Variants in AP2B1 observed in about 807,000 individuals in gnomAD.
AP2B1 encodes the protein AP-2 complex subunit beta.
In AP2B1, 23 loss-of-function variants were observed where a neutral mutation model predicts 102.0. The observed-to-expected ratio is 0.23, with a 90% confidence interval of 0.16 to 0.32. AP2B1 has a LOEUF of 0.32. Ranked by LOEUF, AP2B1 falls within the 10% of genes least tolerant of loss-of-function variation. AP2B1 has a pLI of 1.00. For synonymous variants in AP2B1, 381 were observed against 421.2 expected (o/e 0.90, Z 1.17); for missense variants, 541 against 1,157.4 (o/e 0.47, Z 7.73).
intron 13 of AP2B1, chr17:35,651,051 T>C (rs1190414451): frequency 2.8e-6 from 1 of 361,902 alleles, no homozygotes; most frequent in Admixed American, 4.3e-5. Context: ...ATTATGGCTT[T>C]AGAAAATTGT....
rs1382200106 is a variant in AP2B1 at position 35,723,744 on chromosome 17, G to T, written c.*45G>T. On this transcript the variant is annotated 3_prime_UTR_variant, in exon 22 of 22. Coordinates refer to ENST00000610402, the MANE Select transcript of AP2B1 (RefSeq NM_001030006.2). ...TTCAACCATGCTGTGATCGGTGCAA[G>T]TCAAGAACTCTTAACTGGAAGAAAT... 1 of 1,369,768 alleles carries T rather than the reference G, an allele frequency of 7.3e-7. No individual in the cohort carries two copies. The highest frequency in any genetic ancestry group is 1.0e-6 in the Non-Finnish European group (1 of 959,288). The allele number at this position is 1,369,768 out of a possible 1,614,324, so 84.9% of individuals were successfully genotyped here.
chr17:35,712,460 C>T (rs1479803706), intron 20 of AP2B1, among the ~76,000 whole-genome samples: 1 of 152,056 alleles, frequency 6.6e-6, no homozygotes, highest in Non-Finnish European at 1.5e-5. Context: ...AACCCTGTCT[C>T]TACTAAAAAT....
intron 2 of AP2B1, chr17:35,596,883 C>T: frequency 1.4e-6 from 1 of 697,296 alleles, no homozygotes; most frequent in Non-Finnish European, 2.7e-6. Context: ...TATGCTGCTT[C>T]GTGATCCATG....
intron 18 of AP2B1, among the ~76,000 whole-genome samples, chr17:35,695,083 C>T (rs1168903136): frequency 6.6e-6 from 1 of 152,118 alleles, no homozygotes. Context: ...AAAGACTGGT[C>T]CCTTTCGGCT....
chr17:35,680,198 G>T (rs1378364132), intron 17 of AP2B1, among the ~76,000 whole-genome samples: 2 of 151,936 alleles, frequency 1.3e-5, no homozygotes, highest in South Asian at 2.1e-4. Flanking sequence ...GTGAGCCACC[G>T]CACCAGCCTG....
At chr17:35,720,052 A>G (rs2085310632) in intron 21 of AP2B1, among the ~76,000 whole-genome samples, 1 of 152,212 alleles carries the variant, frequency 6.6e-6, no homozygotes, top group Admixed American at 6.5e-5. Context: ...TTATAGAAGC[A>G]ATGTGTGTCA....
At chr17:35,680,706 T>TG (rs56034210) in intron 17 of AP2B1, among the ~76,000 whole-genome samples, 17,039 of 147,320 alleles carry the variant, frequency 0.12, 1,142 homozygotes, top group Middle Eastern at 0.15. Context: ...TTTTGTTTTT[T>TG]TTTTTTTTTT....
At chr17:35,721,945 C>CA (rs1469175518) in intron 21 of AP2B1, among the ~76,000 whole-genome samples, 1 of 152,102 alleles carries the variant, frequency 6.6e-6, no homozygotes, top group Non-Finnish European at 1.5e-5. Context: ...GAAGGAGGTA[C>CA]AAGAATTGCT....
intron 7 of AP2B1, 133 bp from the exon 8 acceptor site, chr17:35,627,252 T>TTTC (rs1282303591): frequency 3.4e-5 from 14 of 410,070 alleles, no homozygotes; most frequent in Admixed American, 3.0e-4. Flanking sequence ...ATGCTTTTTT[T>TTTC]TTTTTTTTTT....
At position 35,677,624 on chromosome 17, in the gene AP2B1, T is replaced by A. The variant is rs78365893; in HGVS notation, c.2324+3303T>A. 8.5e-3 allele frequency among the ~76,000 whole-genome samples: 1,293 copies of A among 152,246 alleles called. 11 individuals are homozygous for A. Among genetic ancestry groups the A allele is most frequent in the African/African-American group, 0.026 (1,069 of 41,554 alleles). On this transcript the variant is annotated intron_variant, in intron 17 of 21. Coordinates refer to ENST00000610402, the MANE Select transcript of AP2B1 (RefSeq NM_001030006.2). ...TTTCCCTGTAAATTTTAGAATCAGC[T>A]TGTCAGTTTCTACAAAAAAAATGCT...
At chr17:35,680,697 TTTG>T (rs1567972215) in intron 17 of AP2B1, among the ~76,000 whole-genome samples, 6 of 36,586 alleles carry the variant, frequency 1.6e-4, no homozygotes, top group South Asian at 7.5e-4. Context: ...TTTTTTTTTT[TTTG>T]TTTTTTTTTT....
rs565482828 is a variant in AP2B1, at chr17:35,664,241, G to A, written c.1989+6450G>A. Among the ~76,000 whole-genome samples, 91 of 152,118 alleles carry A rather than the reference G, an allele frequency of 6.0e-4. 1 individual carries two copies. The highest frequency in any genetic ancestry group is 9.9e-4 in the Non-Finnish European group (67 of 67,980). On this transcript the variant is annotated intron_variant, in intron 14 of 21. Coordinates refer to ENST00000610402, the MANE Select transcript of AP2B1 (RefSeq NM_001030006.2). The stretch of plus-strand genomic sequence containing the variant: ...TCCTCCCTAGAATGAGTTTTGACCC[G>A]GCTGGGAGATGTTTGTTTATTTATT...
intron 5 of AP2B1, among the ~76,000 whole-genome samples, chr17:35,611,464 CGTG>C (rs1052558947): frequency 2.9e-4 from 44 of 151,158 alleles, no homozygotes; most frequent in East Asian, 1.9e-4. Context: ...GCAGTAAAGT[CGTG>C]TGTGTGTGTG....
At chr17:35,682,221 C>T (rs2075835924) in intron 17 of AP2B1, among the ~76,000 whole-genome samples, 1 of 148,216 alleles carries the variant, frequency 6.7e-6, no homozygotes, top group Non-Finnish European at 1.5e-5. Context: ...AATCATGCCA[C>T]TTTGCTCCAG....
At chr17:35,648,773 T>TGTGTGTGA (rs1286612668) in intron 12 of AP2B1, among the ~76,000 whole-genome samples, 6 of 148,840 alleles carry the variant, frequency 4.0e-5, no homozygotes, top group Non-Finnish European at 6.0e-5. Context: ...TGTGTGTGTG[T>TGTGTGTGA]GACCCATCTG....
At chr17:35,703,382 A>G (rs936653748) in intron 18 of AP2B1, among the ~76,000 whole-genome samples, 2 of 152,110 alleles carry the variant, frequency 1.3e-5, no homozygotes, top group African/African-American at 4.8e-5. Context: ...ATGCACACCT[A>G]TGTTCATTGC....
chr17:35,612,029 A>G (rs1382767759), intron 5 of AP2B1, among the ~76,000 whole-genome samples: 4 of 152,220 alleles, frequency 2.6e-5, no homozygotes, highest in Non-Finnish European at 2.9e-5. Context: ...GATTTTTGAG[A>G]AACAGTTTCA....
intron 5 of AP2B1, among the ~76,000 whole-genome samples, chr17:35,622,697 C>T (rs914222893): frequency 1.2e-4 from 18 of 152,186 alleles, no homozygotes; most frequent in African/African-American, 4.3e-4. Context: ...CGGAGTCTCA[C>T]TCTGTCGCCC....
chr17:35,711,315 G>A (rs1324184693), intron 20 of AP2B1, among the ~76,000 whole-genome samples: 1 of 151,606 alleles, frequency 6.6e-6, no homozygotes, highest in African/African-American at 2.4e-5. Flanking sequence ...GCATACATTG[G>A]TGGTTCTCAT....
Sources: gnomAD v4.1 joint callset for allele counts (sites outside exome capture counted in the v4.1 genomes callset) on GRCh38, gnomAD v4.1.1 for gene constraint, MANE v1.5 for transcripts, NCBI Gene and HGNC (gene_info 2026-07-23, HGNC 2026-07-21) for gene names.